ANKRD27: variants seen among roughly 807,000 people sequenced by gnomAD.
ANKRD27 encodes ankyrin repeat domain 27, also known as ankyrin repeat domain-containing protein 27.
A neutral mutation model predicts 129.7 loss-of-function variants in ANKRD27; 112 were observed. The observed-to-expected ratio is 0.86, with a 90% CI of 0.74 to 1.01. ANKRD27 has a LOEUF of 1.01. ANKRD27 is among the 50% of genes least tolerant of loss of function. ANKRD27 has a pLI of 0.00. For missense variants in ANKRD27, 1,258 were observed against 1,300.5 expected (o/e 0.97, Z 0.50); for synonymous variants, 516 against 511.2 (o/e 1.01, Z -0.13).
rs999859469 is a variant in ANKRD27, at chr19:32,628,086, A to G, written c.1417T>C (p.Cys473Arg). 35 of 1,614,000 alleles carry G rather than the reference A, an allele frequency of 2.2e-5. No individual in the cohort carries two copies. The highest frequency in any genetic ancestry group is 3.0e-5 in the Non-Finnish European group (35 of 1,179,948). ...GHTPLHVAAV[C>R]GQASLIDLLV... ...GGGCCAGCCCAGGACCACATACCAC[A>G]GACAGCAGCCACATGGAGAGGGGTG... Residue 473 changes from cysteine to arginine, a missense_variant, in exon 15 of 29, where the codon TGT becomes CGT. Cys to Arg is a radical substitution (Grantham distance 180, BLOSUM62 -3). Coordinates refer to ENST00000306065, the MANE Select transcript of ANKRD27 (RefSeq NM_032139.3).
At chr19:32,644,265 C>A (rs1162546765) in intron 5 of ANKRD27, 60 bp downstream of exon 5, 1 of 1,572,002 alleles carries the variant, frequency 6.4e-7, no homozygotes, top group African/African-American at 1.4e-5. Flanking sequence ...TGAGGGCTCC[C>A]AGCACCCTGC....
At chr19:32,625,785 G>A (rs932124639) in intron 17 of ANKRD27, 89 bp downstream of exon 17, 38 of 1,128,418 alleles carry the variant, frequency 3.4e-5, no homozygotes, top group Middle Eastern at 4.2e-4. Flanking sequence ...AATAATTATC[G>A]ACACAAAATA....
intron 4 of ANKRD27, among the ~76,000 whole-genome samples, chr19:32,645,879 G>T (rs534853812): frequency 6.6e-6 from 1 of 151,764 alleles, no homozygotes; most frequent in African/African-American, 2.4e-5. Context: ...CAGGTAATCC[G>T]CCCACCTCGG....
chr19:32,674,361 C>A (rs1245693183), intron 1 of ANKRD27, among the ~76,000 whole-genome samples: 1 of 152,108 alleles, frequency 6.6e-6, no homozygotes, highest in African/African-American at 2.4e-5. Flanking sequence ...AAATCCTCAG[C>A]GAAGACCCGT....
chr19:32,627,784 A>G (rs1302647100), intron 15 of ANKRD27, among the ~76,000 whole-genome samples: 1 of 152,240 alleles, frequency 6.6e-6, no homozygotes, highest in Non-Finnish European at 1.5e-5. Context: ...GACCGTTCTC[A>G]TAGTTCAGAT....
In ANKRD27 at chr19:32,627,209, T is replaced by C. The variant is rs1727831957; in HGVS notation, c.1421-382A>G. On this transcript the variant is annotated intron_variant, in intron 15 of 28. Transcript: ENST00000306065. ...AAAAATAGCACACAACAGAATATTA[T>C]GAGCCCTAGAGCACCACACACTTTA... Among the ~76,000 whole-genome samples, 3 of 152,122 alleles carry C rather than the reference T, an allele frequency of 2.0e-5. No homozygotes were observed. The South Asian group carries it at 6.2e-4, about 32-fold the overall frequency.
intron 1 of ANKRD27, among the ~76,000 whole-genome samples, chr19:32,670,065 G>C (rs938402050): frequency 6.6e-5 from 10 of 151,728 alleles, no homozygotes; most frequent in African/African-American, 2.2e-4. Flanking sequence ...TGGGAAAGTA[G>C]TAAGACTCCA....
Position 32,633,000 on chromosome 19 carries a change from C to T in ANKRD27, c.1117-1506G>A, listed in dbSNP as rs116127857. On this transcript the variant is annotated intron_variant, in intron 12 of 28. Transcript: ENST00000306065. ...CACTTCTGCCCCCAGCTGCTGTGTG[C>T]CATATAAAGCTCTAACAATCCACTT... 9.9e-3 allele frequency among the ~76,000 whole-genome samples: 1,507 copies of T among 152,268 alleles called. 22 individuals carry two copies. Among genetic ancestry groups the T allele is most frequent in the African/African-American group, 0.033 (1,368 of 41,550 alleles).
At chr19:32,662,555 A>G (rs1967667340) in intron 1 of ANKRD27, among the ~76,000 whole-genome samples, 1 of 151,840 alleles carries the variant, frequency 6.6e-6, no homozygotes, top group African/African-American at 2.4e-5. Context: ...TGGGCAAAAT[A>G]GCAAGACCTT....
In ANKRD27 at chr19:32,643,418, G is replaced by A. The variant is rs758496112; in HGVS notation, c.639+13C>T. The A allele has an allele frequency of 1.2e-5, 20 of 1,613,556 alleles. No individual in the cohort carries two copies. Among genetic ancestry groups the A allele is most frequent in the African/African-American group, 2.7e-5 (2 of 74,740 alleles). The stretch of plus-strand genomic sequence containing the variant: ...ACAGGGTGTGCCTCCCAGCCACTCC[G>A]CCCCACCCTCACCTCCACTGCCTGC... On this transcript the variant is annotated intron_variant, in intron 7 of 28. Coordinates refer to ENST00000306065, the MANE Select transcript of ANKRD27 (RefSeq NM_032139.3).
chr19:32,618,708 G>A (rs948789462), intron 20 of ANKRD27, among the ~76,000 whole-genome samples: 1 of 152,038 alleles, frequency 6.6e-6, no homozygotes, highest in Non-Finnish European at 1.5e-5. Context: ...GGGGGCCATC[G>A]AAGGTGGTAC....
intron 5 of ANKRD27, chr19:32,643,874 G>GCAGCGTCAGA: frequency 1.9e-6 from 1 of 531,594 alleles, no homozygotes; most frequent in South Asian, 2.3e-5. Context: ...TTACCACTTG[G>GCAGCGTCAGA]TTTGTTTTTT....
chr19:32,656,074 AG>A (rs1357190628), intron 2 of ANKRD27, among the ~76,000 whole-genome samples: 1 of 24,882 alleles, frequency 4.0e-5, no homozygotes, highest in Non-Finnish European at 1.4e-4. Flanking sequence ...AAAGAAAGAA[AG>A]AAAGAAAGAA....
rs371671696 is a variant in ANKRD27, at chr19:32,625,867, C to T, written c.1629+7G>A. ...GCAGCCCCCCCGGAACAGCAAGAGC[C>T]ACTCACGTCCTCGTGGCCGTAGGTG... On this transcript the variant is annotated splice_region_variant and intron_variant, in intron 17 of 28. Transcript: ENST00000306065. The T allele has an allele frequency of 2.8e-5, 44 of 1,580,832 alleles. No homozygotes were observed. The highest frequency in any genetic ancestry group is 3.7e-5 in the Non-Finnish European group (43 of 1,166,612).
chr19:32,604,736 T>C (rs1971706302), intron 24 of ANKRD27, among the ~76,000 whole-genome samples: 1 of 152,082 alleles, frequency 6.6e-6, no homozygotes, highest in South Asian at 2.1e-4. Context: ...GTAAATAAGT[T>C]TCTACATTAA....
intron 17 of ANKRD27, among the ~76,000 whole-genome samples, chr19:32,624,853 G>C (rs1972066098): frequency 1.3e-5 from 2 of 151,922 alleles, no homozygotes; most frequent in South Asian, 4.2e-4. Context: ...AGGATGGCTT[G>C]AGCCAGGAGG....
chr19:32,641,092 A>G (rs1429818616), intron 10 of ANKRD27, among the ~76,000 whole-genome samples: 2 of 151,646 alleles, frequency 1.3e-5, no homozygotes, highest in East Asian at 3.9e-4. Flanking sequence ...TAGTAGAGAC[A>G]GGGTTTCACC....
At chr19:32,603,689 C>G (rs1971686243) in intron 25 of ANKRD27, among the ~76,000 whole-genome samples, 1 of 150,762 alleles carries the variant, frequency 6.6e-6, no homozygotes, top group Non-Finnish European at 1.5e-5. Flanking sequence ...CAGGCATGCA[C>G]CCCTATGCTC....
chr19:32,664,735 G>A (rs1185105344), intron 1 of ANKRD27, among the ~76,000 whole-genome samples: 3 of 150,570 alleles, frequency 2.0e-5, no homozygotes, highest in Non-Finnish European at 3.0e-5. Flanking sequence ...AAAGCAGGTG[G>A]ACTGCTTGAG....
Sources: allele counts gnomAD v4.1 joint callset (sites outside exome capture counted in the v4.1 genomes callset), GRCh38; gene constraint gnomAD v4.1.1; transcripts MANE v1.5; gene names NCBI Gene and HGNC (gene_info 2026-07-23, HGNC 2026-07-21).